Variants in GABRB1 observed in about 807,000 individuals in gnomAD.
GABRB1 encodes the protein gamma-aminobutyric acid receptor subunit beta-1.
Under a neutral mutation model 51.6 loss-of-function variants are expected in GABRB1, and 17 were observed. That is an observed-to-expected ratio of 0.33 (90% CI 0.23 to 0.49). The LOEUF is 0.49. Among genes scored for constraint, GABRB1 ranks in the 20% least tolerant of loss-of-function variants. The pLI, the probability that GABRB1 is intolerant of heterozygous loss-of-function variation, is 0.99. For synonymous variants in GABRB1, 247 were observed against 218.9 expected (o/e 1.13, Z -1.14); for missense variants, 410 against 600.6 (o/e 0.68, Z 3.32).
chr4:47,062,750 A>G (rs2109530336), intron 3 of GABRB1, among the ~76,000 whole-genome samples: 1 of 151,998 alleles, frequency 6.6e-6, no homozygotes, highest in South Asian at 2.1e-4. Flanking sequence ...TGTCTCTTAA[A>G]CTCTCTGTTT....
Position 46,996,952 on chromosome 4 carries a change from C to T in GABRB1, c.-20+3026C>T, listed in dbSNP as rs192175258. Among the ~76,000 whole-genome samples, 11 of 152,166 alleles carry T rather than the reference C, an allele frequency of 7.2e-5. No homozygotes were observed. In the East Asian group the frequency reaches 1.9e-3, roughly 27 times the overall value. On this transcript the variant is annotated intron_variant, in intron 1 of 3. Transcript: ENST00000513567. Reference sequence around the variant, plus strand: ...GAATTACTGCTTTAAATTCTGAAGGCTTGTAGATATAGGCCCAGTTTGAAA... The same window carrying T: ...GAATTACTGCTTTAAATTCTGAAGGTTTGTAGATATAGGCCCAGTTTGAAA...
At chr4:47,357,648 A>G (rs1446860237) in intron 5 of GABRB1, among the ~76,000 whole-genome samples, 1 of 152,200 alleles carries the variant, frequency 6.6e-6, no homozygotes, top group Non-Finnish European at 1.5e-5. Context: ...AGCAGCTTCT[A>G]AAGTGGTTCT....
chr4:47,395,971 GTTC>G (rs781060421), intron 5 of GABRB1, among the ~76,000 whole-genome samples: 7 of 151,982 alleles, frequency 4.6e-5, no homozygotes, highest in African/African-American at 1.4e-4. Context: ...GAAATTCCTT[GTTC>G]TTCTTTATGG....
At chr4:47,298,223 G>T (rs1724091576) in intron 4 of GABRB1, among the ~76,000 whole-genome samples, 1 of 152,208 alleles carries the variant, frequency 6.6e-6, no homozygotes, top group Admixed American at 6.5e-5. Flanking sequence ...TCAACATAGA[G>T]TTGGAAGTTC....
chr4:47,401,840 C>CATCT (rs748902414), intron 5 of GABRB1, among the ~76,000 whole-genome samples: 281 of 41,508 alleles, frequency 6.8e-3, no homozygotes, highest in South Asian at 0.015. Flanking sequence ...ATCTATCTAT[C>CATCT]ATCTATCTAT....
intron 4 of GABRB1, among the ~76,000 whole-genome samples, chr4:47,235,257 T>C (rs1453026018): frequency 6.6e-6 from 1 of 152,132 alleles, no homozygotes; most frequent in Non-Finnish European, 1.5e-5. Context: ...TTAGTGACTA[T>C]AAAAATCTAG....
At chr4:47,239,923 A>G (rs940757202) in intron 4 of GABRB1, among the ~76,000 whole-genome samples, 1 of 152,136 alleles carries the variant, frequency 6.6e-6, no homozygotes, top group Non-Finnish European at 1.5e-5. Flanking sequence ...AATCAACTTC[A>G]TGTACATTTC....
At chr4:47,322,400 C>CT (rs1316863637) in intron 5 of GABRB1, among the ~76,000 whole-genome samples, 10 of 152,110 alleles carry the variant, frequency 6.6e-5, no homozygotes, top group Admixed American at 6.5e-4. Flanking sequence ...AGCAAAAACT[C>CT]TTGACTGTAA....
intron 5 of GABRB1, among the ~76,000 whole-genome samples, chr4:47,339,538 CAT>C (rs1027355587): frequency 7.7e-5 from 9 of 116,884 alleles, no homozygotes; most frequent in African/African-American, 1.1e-4. Flanking sequence ...TGTATGTGTG[CAT>C]ATGTGTGTGT....
chr4:47,343,452 T>G (rs961041502), intron 5 of GABRB1, among the ~76,000 whole-genome samples: 4 of 152,210 alleles, frequency 2.6e-5, no homozygotes, highest in Non-Finnish European at 4.4e-5. Context: ...TAATTTAATA[T>G]GACTGCACTG....
chr4:47,364,385 A>G (rs1278087993), intron 5 of GABRB1, among the ~76,000 whole-genome samples: 1 of 152,142 alleles, frequency 6.6e-6, no homozygotes, highest in Non-Finnish European at 1.5e-5. Flanking sequence ...AGATCAGACA[A>G]AGTAGAAGTT....
At chr4:47,088,002 A>G (rs191311062) in intron 3 of GABRB1, among the ~76,000 whole-genome samples, 5 of 152,290 alleles carry the variant, frequency 3.3e-5, no homozygotes, top group African/African-American at 9.6e-5. Flanking sequence ...TCTACGTTTC[A>G]TGATATTATG....
intron 4 of GABRB1, among the ~76,000 whole-genome samples, chr4:47,208,565 T>C (rs1720229809): frequency 6.6e-6 from 1 of 152,114 alleles, no homozygotes; most frequent in African/African-American, 2.4e-5. Context: ...TTGTATACTT[T>C]AAATGGGTGA....
chr4:47,299,664 T>C (rs1724166644), intron 4 of GABRB1, among the ~76,000 whole-genome samples: 2 of 152,026 alleles, frequency 1.3e-5, no homozygotes, highest in African/African-American at 4.8e-5. Context: ...AGTTCAACCA[T>C]TGTGGAAGTC....
At chr4:47,265,309 A>C (rs1275943858) in intron 4 of GABRB1, among the ~76,000 whole-genome samples, 2 of 152,070 alleles carry the variant, frequency 1.3e-5, no homozygotes, top group African/African-American at 4.8e-5. Context: ...AAAGTATTCC[A>C]TGATATATAT....
intron 8 of GABRB1, among the ~76,000 whole-genome samples, chr4:47,408,451 A>G (rs1459479958): frequency 1.3e-5 from 2 of 152,228 alleles, no homozygotes; most frequent in Admixed American, 1.3e-4. Context: ...AAGTTTGGAT[A>G]AACACTGTTT....
intron 4 of GABRB1, among the ~76,000 whole-genome samples, chr4:47,307,244 C>A (rs963494199): frequency 4.6e-5 from 7 of 151,956 alleles, no homozygotes; most frequent in African/African-American, 1.7e-4. Context: ...GATATATTGA[C>A]CCCTCCAGAA....
intron 3 of GABRB1, among the ~76,000 whole-genome samples, chr4:47,120,820 T>C (rs1161418975): frequency 2.0e-5 from 3 of 152,054 alleles, no homozygotes; most frequent in East Asian, 1.9e-4. Context: ...CAGTGCCCTA[T>C]TCTACTGTGG....
intron 1 of GABRB1, among the ~76,000 whole-genome samples, chr4:47,001,580 AGACT>A (rs1724219885): frequency 6.6e-6 from 1 of 152,224 alleles, no homozygotes; most frequent in South Asian, 2.1e-4. Context: ...TAATAGGCAA[AGACT>A]GACCTCCCAG....
Sources: allele counts gnomAD v4.1 joint callset (sites outside exome capture counted in the v4.1 genomes callset), GRCh38; gene constraint gnomAD v4.1.1; transcripts MANE v1.5; gene names NCBI Gene and HGNC (gene_info 2026-07-23, HGNC 2026-07-21).